Variants in AHCYL2 observed in about 807,000 individuals in gnomAD.
The protein encoded by AHCYL2 is S-adenosylhomocysteine hydrolase-like protein 2.
Under a neutral mutation model 81.4 loss-of-function variants are expected in AHCYL2, and 28 were observed. The observed-to-expected ratio is 0.34, with a 90% CI of 0.25 to 0.47. The LOEUF (loss-of-function observed/expected upper bound fraction) is 0.47. Ranked by LOEUF, AHCYL2 falls within the 20% of genes least tolerant of loss-of-function variation. The pLI, the probability that AHCYL2 is intolerant of heterozygous loss-of-function variation, is 1.00. For synonymous variants in AHCYL2, 272 were observed against 290.2 expected (o/e 0.94, Z 0.64); for missense variants, 551 against 785.1 (o/e 0.70, Z 3.56).
intron 1 of AHCYL2, among the ~76,000 whole-genome samples, chr7:129,243,982 TA>T (rs1482861605): frequency 2.0e-5 from 3 of 151,752 alleles, no homozygotes. Flanking sequence ...TTTTATTTAT[TA>T]TTTTTTTCTT....
intron 1 of AHCYL2, among the ~76,000 whole-genome samples, chr7:129,353,943 C>A (rs181829043): frequency 6.6e-6 from 1 of 151,806 alleles, no homozygotes; most frequent in East Asian, 1.9e-4. Context: ...GAGAGTCTTT[C>A]AAGGAAGAAA....
intron 7 of AHCYL2, among the ~76,000 whole-genome samples, chr7:129,403,744 C>G (rs1052005279): frequency 6.6e-6 from 1 of 151,206 alleles, no homozygotes; most frequent in African/African-American, 2.4e-5. Context: ...GCCTGTGGTC[C>G]CAGCTACTCG....
At chr7:129,285,196 G>C (rs1427243825) in intron 1 of AHCYL2, among the ~76,000 whole-genome samples, 1 of 152,154 alleles carries the variant, frequency 6.6e-6, no homozygotes, top group Non-Finnish European at 1.5e-5. Context: ...CCTGATGTGT[G>C]GATGTATGGA....
chr7:129,422,942 A>G lies in AHCYL2; in HGVS notation c.1560+4A>G. ...GAGGATAGTACTGCTGGCAGAGGTA[A>G]GGCTGAGACTGGCAAAAATACTCCC... On this transcript the variant is annotated splice_donor_region_variant and intron_variant, in intron 13 of 16. Transcript: ENST00000325006. 4.3e-6 allele frequency: 7 copies of G among 1,613,860 alleles called. No homozygotes were observed. Among genetic ancestry groups the G allele is most frequent in the Non-Finnish European group, 5.9e-6 (7 of 1,179,864 alleles).
In AHCYL2 at chr7:129,426,897, A is replaced by G. The variant is rs1797389078; in HGVS notation, c.1830-142A>G. 1.2e-6 allele frequency: 1 copy of G among 819,358 alleles called. No homozygotes were observed. The allele number at this position is 819,358 out of a possible 1,614,324, so 50.8% of individuals were successfully genotyped here. ...AATATTGGCCTTTTTCAATGATGTGAAAAGGAAACACAGTTATTTCCTGTC... is the reference window on the plus strand; with the variant it reads ...AATATTGGCCTTTTTCAATGATGTGGAAAGGAAACACAGTTATTTCCTGTC... On this transcript the variant is annotated intron_variant, in intron 16 of 16. Coordinates refer to ENST00000325006, the MANE Select transcript of AHCYL2 (RefSeq NM_015328.4). The surrounding 1 kb of genome is among the most constrained non-coding windows in gnomAD (Gnocchi z 4.3).
intron 5 of AHCYL2, among the ~76,000 whole-genome samples, chr7:129,399,141 CAAAAAAAAAAA>C (rs71162600): frequency 2.2e-5 from 1 of 44,968 alleles, no homozygotes; most frequent in East Asian, 6.6e-4. Context: ...GACTCCATCT[CAAAAAAAAAAA>C]AAAAAAAAAA....
intron 1 of AHCYL2, among the ~76,000 whole-genome samples, chr7:129,305,486 A>G (rs1438357871): frequency 2.0e-5 from 3 of 152,048 alleles, no homozygotes; most frequent in Non-Finnish European, 4.4e-5. Flanking sequence ...ACAAAAAAAA[A>G]CACTTTATAC....
chr7:129,326,915 T>C (rs530323774), intron 1 of AHCYL2, among the ~76,000 whole-genome samples: 1 of 152,306 alleles, frequency 6.6e-6, no homozygotes, highest in East Asian at 1.9e-4. Context: ...CTAAGTGCCA[T>C]GATAAGCCAT....
intron 1 of AHCYL2, among the ~76,000 whole-genome samples, chr7:129,370,726 A>G (rs1162776862): frequency 6.6e-6 from 1 of 152,208 alleles, no homozygotes; most frequent in Non-Finnish European, 1.5e-5. Context: ...AATAATTTAG[A>G]AAAGCACAGC....
At position 129,364,526 on chromosome 7, in the gene AHCYL2, G is replaced by A. The variant is rs539332515; in HGVS notation, c.364-15112G>A. Among the ~76,000 whole-genome samples, 14 of 152,210 alleles carry A rather than the reference G, an allele frequency of 9.2e-5. No homozygotes were observed. The South Asian group carries it at 2.7e-3, about 29-fold the overall frequency. ...GGCTGGTCTCGATCTCCTGACTTCA[G>A]GTGATCTGCCCACCTCGGCCTCCCA... On this transcript the variant is annotated intron_variant, in intron 1 of 16. Transcript: ENST00000325006.
chr7:129,264,044 C>T lies in AHCYL2; in HGVS notation c.363+38605C>T, dbSNP rs1226741158. Among the ~76,000 whole-genome samples, 10 of 152,172 alleles carry T rather than the reference C, an allele frequency of 6.6e-5. No individual in the cohort carries two copies. In the East Asian group the frequency reaches 1.2e-3, roughly 18 times the overall value. ...TATTTTATTTTTTATTTTTTTGAGACGGAGTCATGCTCTGTCGCCTAGGCT... is the reference window on the plus strand; with the variant it reads ...TATTTTATTTTTTATTTTTTTGAGATGGAGTCATGCTCTGTCGCCTAGGCT... On this transcript the variant is annotated intron_variant, in intron 1 of 16. Transcript: ENST00000325006.
Position 129,428,698 on chromosome 7 carries a change from T to C in AHCYL2, c.*1653T>C, listed in dbSNP as rs1797459477. On this transcript the variant is annotated 3_prime_UTR_variant, in exon 17 of 17. Transcript: ENST00000325006. Reference sequence around the variant, plus strand: ...TCCAACTTCTCCTGGTCTTCACATATACTCTCAAAGCTAGTCTGAAAGTGA... The same window carrying C: ...TCCAACTTCTCCTGGTCTTCACATACACTCTCAAAGCTAGTCTGAAAGTGA... 1 of 152,350 alleles carries C rather than the reference T, an allele frequency of 6.6e-6. No homozygotes were observed. The highest frequency in any genetic ancestry group is 2.1e-4 in the South Asian group (1 of 4,826). 9.4% of individuals were successfully genotyped at this position (152,350 alleles called of 1,614,324 possible). A position where few individuals can be genotyped will look rare whatever the true frequency, so the allele number is the denominator to read the frequency against.
At chr7:129,401,664 CAGTTTTAAT>C (rs1443665779) in intron 6 of AHCYL2, among the ~76,000 whole-genome samples, 2 of 152,192 alleles carry the variant, frequency 1.3e-5, no homozygotes, top group East Asian at 3.8e-4. Context: ...CTCATTCCAA[CAGTTTTAAT>C]AGTGACACAA....
intron 1 of AHCYL2, among the ~76,000 whole-genome samples, chr7:129,240,449 G>C (rs960117862): frequency 6.6e-6 from 1 of 152,032 alleles, no homozygotes; most frequent in Non-Finnish European, 1.5e-5. Context: ...TTGAGGAGAA[G>C]GAGCAAGTGT....
At chr7:129,286,422 AAT>A (rs1288547275) in intron 1 of AHCYL2, among the ~76,000 whole-genome samples, 1 of 150,944 alleles carries the variant, frequency 6.6e-6, no homozygotes, top group Non-Finnish European at 1.5e-5. Flanking sequence ...GACAAATATA[AAT>A]ATGAGAGGAG....
At chr7:129,382,900 A>G (rs556194291) in intron 2 of AHCYL2, among the ~76,000 whole-genome samples, 2 of 152,260 alleles carry the variant, frequency 1.3e-5, no homozygotes, top group African/African-American at 2.4e-5. Context: ...GAGTGAAACT[A>G]TGTCTCAAAA....
chr7:129,234,661 A>G (rs1794576507), intron 1 of AHCYL2, among the ~76,000 whole-genome samples: 1 of 151,932 alleles, frequency 6.6e-6, no homozygotes, highest in South Asian at 2.1e-4. Flanking sequence ...ACCCAGCCAC[A>G]TTTTAAAAAC....
intron 12 of AHCYL2, among the ~76,000 whole-genome samples, chr7:129,420,525 A>G (rs527868879): frequency 1.0e-4 from 15 of 147,054 alleles, no homozygotes; most frequent in Non-Finnish European, 2.2e-4. Context: ...TACCACCCAG[A>G]CTGGAGTGCA....
intron 11 of AHCYL2, 69 bp from the exon 12 acceptor site, chr7:129,413,525 C>A: frequency 8.4e-7 from 1 of 1,188,160 alleles, no homozygotes; most frequent in Non-Finnish European, 1.3e-6. Flanking sequence ...ATATGATTTG[C>A]ACATTTATTT....
Sources: allele counts gnomAD v4.1 joint callset (sites outside exome capture counted in the v4.1 genomes callset), GRCh38; gene constraint gnomAD v4.1.1; non-coding constraint Gnocchi (gnomAD v3.1); transcripts MANE v1.5; gene names NCBI Gene and HGNC (gene_info 2026-07-23, HGNC 2026-07-21).